Variants in WDR37 observed in about 807,000 individuals in gnomAD.
The protein encoded by WDR37 is WD repeat domain 37, also known as WD repeat-containing protein 37.
Under a neutral mutation model 62.9 loss-of-function variants are expected in WDR37, and 19 were observed. That is an observed-to-expected ratio of 0.30 (90% CI 0.21 to 0.44). The LOEUF is 0.44. Ranked by LOEUF, WDR37 falls within the 20% of genes least tolerant of loss-of-function variation. The pLI is 1.00. For missense variants in WDR37, 474 were observed against 657.6 expected (o/e 0.72, Z 3.05); for synonymous variants, 250 against 260.9 (o/e 0.96, Z 0.40).
At chr10:1,071,135 A>G (rs890609382) in intron 1 of WDR37, among the ~76,000 whole-genome samples, 26 of 152,176 alleles carry the variant, frequency 1.7e-4, no homozygotes, top group Admixed American at 3.3e-4. Flanking sequence ...TGATATATTC[A>G]CAGAACCATC....
At chr10:1,096,106 C>T (rs779321657) in intron 8 of WDR37, 64 bp from the exon 9 acceptor site, 27 of 1,498,796 alleles carry the variant, frequency 1.8e-5, no homozygotes, top group South Asian at 7.9e-5. Context: ...GCCATAGTGG[C>T]GGTGAAGAGC....
At position 1,076,382 on chromosome 10, in the gene WDR37, A is replaced by T. The variant is rs75596301; in HGVS notation, c.139-1525A>T. On this transcript the variant is annotated intron_variant, in intron 2 of 13. Coordinates refer to ENST00000263150, the MANE Select transcript of WDR37 (RefSeq NM_014023.4). ...TTTAATAAATATAGTGCATCTTTTT[A>T]AAAAGTTTACAACTCGGCCACGCGC... Among the ~76,000 whole-genome samples, 1,342 of 152,238 alleles carry T rather than the reference A, an allele frequency of 8.8e-3. 13 individuals are homozygous for T. Among genetic ancestry groups the T allele is most frequent in the African/African-American group, 0.021 (867 of 41,520 alleles).
intron 7 of WDR37, among the ~76,000 whole-genome samples, chr10:1,091,917 A>G (rs1192460412): frequency 2.0e-5 from 3 of 152,146 alleles, no homozygotes; most frequent in Non-Finnish European, 4.4e-5. Flanking sequence ...GCGGTGGCTC[A>G]CGCCTGTAAT....
intron 11 of WDR37, among the ~76,000 whole-genome samples, chr10:1,114,430 C>G (rs1188090766): frequency 1.3e-5 from 2 of 152,186 alleles, no homozygotes; most frequent in Non-Finnish European, 2.9e-5. Context: ...GGACCCTCCA[C>G]CAGCAAAAAG....
chr10:1,091,237 T>C (rs1834378040), intron 7 of WDR37, among the ~76,000 whole-genome samples: 3 of 152,192 alleles, frequency 2.0e-5, no homozygotes, highest in South Asian at 4.1e-4. Context: ...AGCTGAGGGT[T>C]GGGATAGACA....
At chr10:1,129,170 T>C in intron 13 of WDR37, 43 bp from the exon 14 acceptor site, 1 of 1,602,230 alleles carries the variant, frequency 6.2e-7, no homozygotes, top group Non-Finnish European at 8.5e-7. Context: ...AATCTTACTT[T>C]CGGGAATAAT....
At chr10:1,108,336 T>C (rs1228005421) in intron 11 of WDR37, among the ~76,000 whole-genome samples, 1 of 152,196 alleles carries the variant, frequency 6.6e-6, no homozygotes, top group Non-Finnish European at 1.5e-5. Context: ...TTTAGGATAT[T>C]GAGTTTTTTG....
In WDR37 at chr10:1,129,849, G is replaced by C. The variant is rs968093555; in HGVS notation, c.*505G>C. The C allele has an allele frequency of 6.6e-6, 1 of 152,382 alleles. No individual in the cohort carries two copies. Among genetic ancestry groups the C allele is most frequent in the Non-Finnish European group, 1.5e-5 (1 of 68,096 alleles). The allele number at this position is 152,382 out of a possible 1,614,324, so 9.4% of individuals were successfully genotyped here. Reference sequence around the variant, plus strand: ...TTCAGCACGTGCTGTCGTGTAGTCAGCTTCTACTCTAATTTCTGTTACAGT... The same window carrying C: ...TTCAGCACGTGCTGTCGTGTAGTCACCTTCTACTCTAATTTCTGTTACAGT... On this transcript the variant is annotated 3_prime_UTR_variant, in exon 14 of 14. Coordinates refer to ENST00000263150, the MANE Select transcript of WDR37 (RefSeq NM_014023.4).
chr10:1,117,977 C>A (rs1013722983), intron 11 of WDR37, among the ~76,000 whole-genome samples: 1 of 146,552 alleles, frequency 6.8e-6, no homozygotes, highest in East Asian at 2.1e-4. Context: ...GAGCCGCGTG[C>A]ACTCAGCCAC....
At chr10:1,063,434 A>G (rs1833433835) in intron 1 of WDR37, among the ~76,000 whole-genome samples, 2 of 152,150 alleles carry the variant, frequency 1.3e-5, no homozygotes, top group South Asian at 4.1e-4. Flanking sequence ...ACTTTCCTCC[A>G]GCTAAATATC....
At chr10:1,073,137 TAA>T (rs1489329691) in intron 2 of WDR37, among the ~76,000 whole-genome samples, 3 of 152,238 alleles carry the variant, frequency 2.0e-5, no homozygotes, top group African/African-American at 7.2e-5. Context: ...TCAGAATTTT[TAA>T]AGAGTGTTGT....
At chr10:1,118,834 G>A (rs1049364746) in intron 11 of WDR37, among the ~76,000 whole-genome samples, 3 of 152,198 alleles carry the variant, frequency 2.0e-5, no homozygotes, top group Non-Finnish European at 4.4e-5. Context: ...CCCGCAGCCT[G>A]GGCGTTACTG....
chr10:1,083,065 A>T (rs1309960156), intron 5 of WDR37, among the ~76,000 whole-genome samples: 1 of 152,196 alleles, frequency 6.6e-6, no homozygotes, highest in African/African-American at 2.4e-5. Flanking sequence ...ACCACCGCTT[A>T]TTATGGTGGG....
chr10:1,097,078 A>C (rs950063754), intron 9 of WDR37, among the ~76,000 whole-genome samples: 31 of 152,214 alleles, frequency 2.0e-4, no homozygotes, highest in Non-Finnish European at 2.9e-5. Context: ...TGAAATGTTA[A>C]AGGTGCAGCC....
rs574142131 is a variant in WDR37 at position 1,063,514 on chromosome 10, C to T, written c.-41+6546C>T. Reference sequence around the variant, plus strand: ...TGAGCAGGTACTTCAGATTCCCACTCATGACAAGCTGGGATGAGATGCTCC... The same window carrying T: ...TGAGCAGGTACTTCAGATTCCCACTTATGACAAGCTGGGATGAGATGCTCC... On this transcript the variant is annotated intron_variant, in intron 1 of 13. Coordinates refer to ENST00000263150, the MANE Select transcript of WDR37 (RefSeq NM_014023.4). Among the ~76,000 whole-genome samples the T allele has an allele frequency of 1.1e-4, 16 of 152,306 alleles. No homozygotes were observed. The East Asian group carries it at 3.1e-3, about 29-fold the overall frequency.
intron 1 of WDR37, among the ~76,000 whole-genome samples, chr10:1,065,469 AAAG>A (rs1325967289): frequency 2.6e-5 from 4 of 152,198 alleles, no homozygotes; most frequent in African/African-American, 9.7e-5. Context: ...AGAAGGCAAA[AAAG>A]AGAATAGAGG....
rs529706240 is a variant in WDR37, at chr10:1,074,241, C to T, written c.138+1948C>T. The T allele has an allele frequency of 3.8e-4, 359 of 952,036 alleles. No homozygotes were observed. In the Middle Eastern group the frequency reaches 4.6e-3, roughly 12 times the overall value. The allele number at this position is 952,036 out of a possible 1,614,324, so 59.0% of individuals were successfully genotyped here. Reference sequence around the variant, plus strand: ...ATTTCTAGCAGTGGAAACCCTGCAGCCTCCCCTGCTGGCATGTTCTAGAGT... The same window carrying T: ...ATTTCTAGCAGTGGAAACCCTGCAGTCTCCCCTGCTGGCATGTTCTAGAGT... On this transcript the variant is annotated intron_variant, in intron 2 of 13. Coordinates refer to ENST00000263150, the MANE Select transcript of WDR37 (RefSeq NM_014023.4).
In WDR37 at chr10:1,103,925, G is replaced by T. The variant is rs1175014581; in HGVS notation, c.961+89G>T. On this transcript the variant is annotated intron_variant, in intron 10 of 13. Coordinates refer to ENST00000263150, the MANE Select transcript of WDR37 (RefSeq NM_014023.4). The surrounding 1 kb of genome is among the most constrained non-coding windows in gnomAD (Gnocchi z 6.3). ...TGTCTGACCTTGCCACTTACTTCTT[G>T]ACCAGAATGAGTCTCTGTGTTCTTG... The T allele has an allele frequency of 1.2e-5, 16 of 1,301,736 alleles. No homozygotes were observed. Among genetic ancestry groups the T allele is most frequent in the Admixed American group, 2.0e-5 (1 of 49,050 alleles). 80.6% of individuals were successfully genotyped at this position (1,301,736 alleles called of 1,614,324 possible).
intron 5 of WDR37, among the ~76,000 whole-genome samples, chr10:1,082,476 C>T (rs1255503056): frequency 1.3e-5 from 2 of 152,186 alleles, no homozygotes; most frequent in Admixed American, 6.5e-5. Context: ...CTTATCTTCT[C>T]AAAAATATTT....
Sources: gnomAD v4.1 joint callset for allele counts (sites outside exome capture counted in the v4.1 genomes callset) on GRCh38, gnomAD v4.1.1 for gene constraint, Gnocchi (gnomAD v3.1) non-coding constraint, MANE v1.5 for transcripts, NCBI Gene and HGNC (gene_info 2026-07-23, HGNC 2026-07-21) for gene names.